The following IGF2BP3 variants were observed in gnomAD, a reference collection of about 807,000 sequenced individuals.
IGF2BP3 encodes insulin like growth factor 2 mRNA binding protein 3.
In IGF2BP3, 9 loss-of-function variants were observed where a neutral mutation model predicts 73.8. The observed-to-expected ratio is 0.12, with a 90% confidence interval of 0.07 to 0.21. The LOEUF is 0.21. Ranked by LOEUF, IGF2BP3 falls within the 10% of genes least tolerant of loss-of-function variation. The pLI is 1.00. For missense variants in IGF2BP3, 542 were observed against 714.0 expected (o/e 0.76, Z 2.75); for synonymous variants, 258 against 256.7 (o/e 1.01, Z -0.05).
At chr7:23,403,152 A>C (rs977549537) in intron 3 of IGF2BP3, among the ~76,000 whole-genome samples, 1 of 152,196 alleles carries the variant, frequency 6.6e-6, no homozygotes, top group Non-Finnish European at 1.5e-5. Flanking sequence ...GCATCTTCCA[A>C]AACTGTATCA....
chr7:23,437,046 G>GA (rs1200294737), intron 2 of IGF2BP3, among the ~76,000 whole-genome samples: 1 of 152,022 alleles, frequency 6.6e-6, no homozygotes, highest in Non-Finnish European at 1.5e-5. Context: ...TTGAACCCTG[G>GA]AGGCAGATGC....
chr7:23,407,267 C>T (rs1157497727), intron 3 of IGF2BP3, among the ~76,000 whole-genome samples: 4 of 147,018 alleles, frequency 2.7e-5, no homozygotes, highest in Non-Finnish European at 6.0e-5. Context: ...GATGAAATAA[C>T]CTGAAGAACA....
At position 23,444,543 on chromosome 7, in the gene IGF2BP3, C is replaced by T. The variant is rs1337775916; in HGVS notation, c.236+23939G>A. The stretch of plus-strand genomic sequence containing the variant: ...ATCACTTGAGGCCAGGAGTTCAAGA[C>T]CATCCTGGCCATCATGGTGAAACCC... On this transcript the variant is annotated intron_variant, in intron 2 of 14. Transcript: ENST00000258729. Among the ~76,000 whole-genome samples, 9 of 152,010 alleles carry T rather than the reference C, an allele frequency of 5.9e-5. No homozygotes were observed. In the South Asian group the frequency reaches 1.9e-3, roughly 32 times the overall value.
At chr7:23,331,944 G>A (rs1224136959) in intron 10 of IGF2BP3, among the ~76,000 whole-genome samples, 1 of 151,998 alleles carries the variant, frequency 6.6e-6, no homozygotes, top group Non-Finnish European at 1.5e-5. Context: ...CGTGGCGGAA[G>A]ACAAATGGGT....
In IGF2BP3 at chr7:23,347,087, G is replaced by A. The variant is rs574106205; in HGVS notation, c.818+513C>T. 4.6e-5 allele frequency among the ~76,000 whole-genome samples: 7 copies of A among 152,166 alleles called. No individual in the cohort carries two copies. The East Asian group carries it at 9.7e-4, about 21-fold the overall frequency. On this transcript the variant is annotated intron_variant, in intron 7 of 14. Transcript: ENST00000258729. Reference sequence around the variant, plus strand: ...CTTTCAGTGCAGCGCTGTTCTGTACGCTAAACGTGGCACAGAACCCAACCT... The same window carrying A: ...CTTTCAGTGCAGCGCTGTTCTGTACACTAAACGTGGCACAGAACCCAACCT...
chr7:23,380,989 C>T (rs1785892624), intron 3 of IGF2BP3, among the ~76,000 whole-genome samples: 1 of 152,242 alleles, frequency 6.6e-6, no homozygotes, highest in Admixed American at 6.5e-5. Context: ...AAGCACCCAC[C>T]TCCAACCTAA....
At chr7:23,342,387 T>G in intron 9 of IGF2BP3, among the ~76,000 whole-genome samples, 198 bp from the exon 10 acceptor site, 1 of 152,192 alleles carries the variant, frequency 6.6e-6, no homozygotes, top group Non-Finnish European at 1.5e-5. Flanking sequence ...AAAATCTGTG[T>G]GCTGGTTTGC....
intron 2 of IGF2BP3, among the ~76,000 whole-genome samples, chr7:23,430,354 G>T (rs1467731776): frequency 6.6e-6 from 1 of 152,234 alleles, no homozygotes; most frequent in Non-Finnish European, 1.5e-5. Context: ...ACAGGCAGGA[G>T]CCACCGCGCC....
At chr7:23,400,325 TAGA>T (rs989771234) in intron 3 of IGF2BP3, among the ~76,000 whole-genome samples, 109 of 152,364 alleles carry the variant, frequency 7.2e-4, no homozygotes, top group African/African-American at 2.5e-3. Flanking sequence ...TTTTCACCAT[TAGA>T]AGAAGTAGTA....
At chr7:23,400,779 G>T (rs1054890575) in intron 3 of IGF2BP3, among the ~76,000 whole-genome samples, 2 of 152,200 alleles carry the variant, frequency 1.3e-5, no homozygotes, top group East Asian at 1.9e-4. Context: ...AGCTGGAAGA[G>T]CAGAAGTATT....
rs1562663373 is a variant in IGF2BP3 at position 23,313,637 on chromosome 7, TA to T, written c.1411del (p.Tyr471MetfsTer16). 6.2e-7 allele frequency: 1 copy of T among 1,613,842 alleles called. No individual in the cohort carries two copies. The highest frequency in any genetic ancestry group is 8.5e-7 in the Non-Finnish European group (1 of 1,179,972). The stretch of plus-strand genomic sequence containing the variant: ...AAAGTTTTCTTCTTTAATTTTTCCA[TA>T]AATTCTTCCCTGAGCCTGCAGATGA... ...EAQFKAQGRI[Y>X]GKIKEENFVS... On this transcript the variant is annotated frameshift_variant, in exon 13 of 15. Transcript: ENST00000258729. LOFTEE classifies it high-confidence loss of function.
rs1583878039 is a variant in IGF2BP3, at chr7:23,320,159, G to A, written c.1204-905C>T. Among the ~76,000 whole-genome samples the A allele has an allele frequency of 3.3e-5, 5 of 151,126 alleles. No homozygotes were observed. In the South Asian group the frequency reaches 6.2e-4, roughly 19 times the overall value. On this transcript the variant is annotated intron_variant, in intron 10 of 14. Coordinates refer to ENST00000258729, the MANE Select transcript of IGF2BP3 (RefSeq NM_006547.3). ...ACTCCTGACCTCAAATGATCCACCC[G>A]CCTTGGCCTCCCAAAGTGCTGGGAT...
intron 3 of IGF2BP3, among the ~76,000 whole-genome samples, chr7:23,418,353 G>A (rs961313007): frequency 3.3e-5 from 5 of 152,150 alleles, no homozygotes; most frequent in African/African-American, 1.2e-4. Flanking sequence ...TACACAATCA[G>A]TGCAGTGCCA....
intron 3 of IGF2BP3, among the ~76,000 whole-genome samples, chr7:23,396,837 G>C (rs1412391810): frequency 2.0e-5 from 3 of 152,196 alleles, no homozygotes; most frequent in Admixed American, 6.5e-5. Flanking sequence ...TTCAGCCAAA[G>C]GACAAATGCC....
Position 23,462,490 on chromosome 7 carries a change from T to C in IGF2BP3, c.236+5992A>G, listed in dbSNP as rs558203652. 1.7e-3 allele frequency among the ~76,000 whole-genome samples: 263 copies of C among 152,208 alleles called. 1 individual carries two copies. Among genetic ancestry groups the C allele is most frequent in the Admixed American group, 0.017 (262 of 15,274 alleles). On this transcript the variant is annotated intron_variant, in intron 2 of 14. Coordinates refer to ENST00000258729, the MANE Select transcript of IGF2BP3 (RefSeq NM_006547.3). ...CATTCTCCTGCCTCAGCCTACCGCG[T>C]AGCTGGGACTAAAGGCGACCGCCAC...
At chr7:23,313,747 C>A in intron 12 of IGF2BP3, 94 bp from the exon 13 acceptor site, 3 of 1,168,120 alleles carry the variant, frequency 2.6e-6, no homozygotes, top group Non-Finnish European at 3.7e-6. Flanking sequence ...AGTGGGATAG[C>A]CCTTTGCAGT....
intron 2 of IGF2BP3, among the ~76,000 whole-genome samples, chr7:23,441,491 T>C (rs1787931559): frequency 6.8e-6 from 1 of 146,922 alleles, no homozygotes; most frequent in Admixed American, 7.1e-5. Context: ...GAGAATCGCT[T>C]GAACCCGGGA....
chr7:23,322,578 A>G (rs1297406574), intron 10 of IGF2BP3, among the ~76,000 whole-genome samples: 22 of 152,178 alleles, frequency 1.4e-4, no homozygotes, highest in Admixed American at 1.4e-3. Flanking sequence ...AAACGCCACA[A>G]AGATACTCCT....
chr7:23,354,552 G>T (rs545702853), intron 5 of IGF2BP3, among the ~76,000 whole-genome samples: 1 of 152,132 alleles, frequency 6.6e-6, no homozygotes, highest in Non-Finnish European at 1.5e-5. Flanking sequence ...TCTCCCTGGG[G>T]TAAAAGGTAC....
Sources: allele counts gnomAD v4.1 joint callset (sites outside exome capture counted in the v4.1 genomes callset), GRCh38; gene constraint gnomAD v4.1.1; transcripts MANE v1.5; gene names NCBI Gene and HGNC (gene_info 2026-07-23, HGNC 2026-07-21).